Variants in PIEZO2 observed in about 807,000 individuals in gnomAD.
PIEZO2 encodes the protein piezo-type mechanosensitive ion channel component 2.
In PIEZO2, 172 loss-of-function variants were observed where a neutral mutation model predicts 337.3. The ratio of observed to expected loss-of-function variants is 0.51; its 90% CI spans 0.45 to 0.58. PIEZO2 has a LOEUF of 0.58. PIEZO2 is among the 20% of genes least tolerant of loss of function. PIEZO2 has a pLI of 0.00. For missense variants in PIEZO2, 3,028 were observed against 3,391.3 expected (o/e 0.89, Z 2.66); for synonymous variants, 1,251 against 1,228.5 (o/e 1.02, Z -0.38).
intron 43 of PIEZO2, 126 bp from the exon 44 acceptor site, chr18:10,699,303 G>A (rs1001041046): frequency 2.3e-6 from 3 of 1,303,598 alleles, no homozygotes; most frequent in Non-Finnish European, 3.1e-6. Context: ...ATATGGTTTG[G>A]CTGTGTCCCC....
chr18:10,756,043 T>A (rs1418409110), intron 27 of PIEZO2, among the ~76,000 whole-genome samples: 1 of 111,906 alleles, frequency 8.9e-6, no homozygotes, highest in Non-Finnish European at 1.8e-5. Flanking sequence ...GGAGGAGGGA[T>A]GCAGGATGAA....
rs1186692771 is a variant in PIEZO2, at chr18:10,861,846, T to C, written c.493-4635A>G. 6.6e-6 allele frequency among the ~76,000 whole-genome samples: 1 copy of C among 152,026 alleles called. No homozygotes were observed. Among genetic ancestry groups the C allele is most frequent in the East Asian group, 1.9e-4 (1 of 5,180 alleles). On this transcript the variant is annotated intron_variant, in intron 5 of 55. Transcript: ENST00000674853. This position sits in a 1 kb window ranked among gnomAD's most constrained non-coding sequence, Gnocchi z 4.3. ...CTGCCTGGACAACATGGTGAAACCT[T>C]GTCTGTACTAAAACTACAAAAATTA...
At chr18:11,012,906 T>C (rs2035954541) in intron 2 of PIEZO2, among the ~76,000 whole-genome samples, 1 of 152,066 alleles carries the variant, frequency 6.6e-6, no homozygotes, top group Non-Finnish European at 1.5e-5. Context: ...TAGCCAGGCA[T>C]GATGGTGCAC....
intron 4 of PIEZO2, among the ~76,000 whole-genome samples, chr18:10,884,194 T>C (rs2042507538): frequency 6.6e-6 from 1 of 152,244 alleles, no homozygotes; most frequent in African/African-American, 2.4e-5. Context: ...GCTTATCTAA[T>C]GTCCTCTAGA....
intron 2 of PIEZO2, among the ~76,000 whole-genome samples, chr18:10,985,515 C>T (rs1008089867): frequency 1.3e-5 from 2 of 152,012 alleles, no homozygotes; most frequent in Admixed American, 1.3e-4. Flanking sequence ...GTTAATTTCT[C>T]ATGTCTGTAT....
chr18:10,696,249 C>G lies in PIEZO2; in HGVS notation c.7015G>C (p.Glu2339Gln). The part of the protein sequence containing the change: ...AAADITSSLS[E>Q]DQVPGPFLVM... ...AAAAACGGCCCCGGGACCTGGTCCTCTGACAGTGAAGAGGTGATGTCTGCA... is the reference window on the plus strand; with the variant it reads ...AAAAACGGCCCCGGGACCTGGTCCTGTGACAGTGAAGAGGTGATGTCTGCA... Residue 2339 changes from glutamate to glutamine, a missense_variant, in exon 47 of 56, where the codon GAG becomes CAG. Glu to Gln is a conservative substitution (Grantham distance 29). This residue lies in a region of PIEZO2 where 179 missense variants were observed against 281.8 expected (regional missense o/e 0.64). Coordinates refer to ENST00000674853, the MANE Select transcript of PIEZO2 (RefSeq NM_001378183.1). 1 of 1,614,234 alleles carries G rather than the reference C, an allele frequency of 6.2e-7. No homozygotes were observed. The highest frequency in any genetic ancestry group is 8.5e-7 in the Non-Finnish European group (1 of 1,180,048).
intron 3 of PIEZO2, among the ~76,000 whole-genome samples, chr18:10,936,200 A>G (rs1391958640): frequency 2.6e-5 from 4 of 152,184 alleles, no homozygotes; most frequent in Non-Finnish European, 4.4e-5. Flanking sequence ...CAAAGCATGA[A>G]TGCCTCTCCT....
chr18:10,917,596 G>T (rs1319293335), intron 3 of PIEZO2, among the ~76,000 whole-genome samples: 1 of 152,170 alleles, frequency 6.6e-6, no homozygotes, highest in Non-Finnish European at 1.5e-5. Context: ...GGTGGTCAAA[G>T]GAGGCACAGT....
At chr18:10,880,881 AT>A (rs1568159656) in intron 4 of PIEZO2, among the ~76,000 whole-genome samples, 137 of 80,314 alleles carry the variant, frequency 1.7e-3, no homozygotes, top group Middle Eastern at 6.5e-3. Flanking sequence ...ATATATATAT[AT>A]ATATATATAT....
Position 10,979,409 on chromosome 18 carries a change from AT to A in PIEZO2, c.286+125del. On this transcript the variant is annotated intron_variant, in intron 3 of 55. Coordinates refer to ENST00000674853, the MANE Select transcript of PIEZO2 (RefSeq NM_001378183.1). This position sits in a 1 kb window ranked among gnomAD's most constrained non-coding sequence, Gnocchi z 4.0. ...TACACTGCATTGCCAAAGACCAAAA[AT>A]TTCCATGAATTTTATAATTTAATTA... 1 of 1,128,432 alleles carries A rather than the reference AT, an allele frequency of 8.9e-7. No homozygotes were observed. Among genetic ancestry groups the A allele is most frequent in the Non-Finnish European group, 1.2e-6 (1 of 866,984 alleles). The allele number at this position is 1,128,432 out of a possible 1,614,324, so 69.9% of individuals were successfully genotyped here. A position where few individuals can be genotyped will look rare whatever the true frequency, so the allele number is the denominator to read the frequency against.
rs2144663540 is a variant in PIEZO2, at chr18:10,850,295, C to G, written c.917+5058G>C. Among the ~76,000 whole-genome samples, 1 of 152,238 alleles carries G rather than the reference C, an allele frequency of 6.6e-6. No homozygotes were observed. The highest frequency in any genetic ancestry group is 2.1e-4 in the South Asian group (1 of 4,820). On this transcript the variant is annotated intron_variant, in intron 7 of 55. Coordinates refer to ENST00000674853, the MANE Select transcript of PIEZO2 (RefSeq NM_001378183.1). This position sits in a 1 kb window ranked among gnomAD's most constrained non-coding sequence, Gnocchi z 4.5. ...CTCTAGAGAAAAATGAAACTCCAGC[C>G]CTGTGCCACACATCGGCGTGGAATT...
rs2036437545 is a variant in PIEZO2, at chr18:10,724,325, C to T, written c.5030-6066G>A. ...AATGAGCTATGATCATTGCACTGCA[C>T]TCCACCTTGGGTGACAGAGCAAGAC... On this transcript the variant is annotated intron_variant, in intron 36 of 55. Transcript: ENST00000674853. The surrounding 1 kb of genome is among the most constrained non-coding windows in gnomAD (Gnocchi z 5.8). Among the ~76,000 whole-genome samples the T allele has an allele frequency of 6.6e-6, 1 of 152,160 alleles. No homozygotes were observed. Among genetic ancestry groups the T allele is most frequent in the Non-Finnish European group, 1.5e-5 (1 of 68,032 alleles).
intron 51 of PIEZO2, among the ~76,000 whole-genome samples, chr18:10,680,770 C>T (rs2034230960): frequency 6.6e-6 from 1 of 152,140 alleles, no homozygotes. Flanking sequence ...AAGAACTGCT[C>T]ATTGTTCCAG....
chr18:10,984,813 A>G (rs2034806093), intron 2 of PIEZO2, among the ~76,000 whole-genome samples: 1 of 152,182 alleles, frequency 6.6e-6, no homozygotes, highest in Admixed American at 6.5e-5. Context: ...GTCAAATTCT[A>G]AAACAAAGAA....
chr18:10,780,445 G>C, intron 17 of PIEZO2, 79 bp from the exon 18 acceptor site: 1 of 698,300 alleles, frequency 1.4e-6, no homozygotes, highest in Non-Finnish European at 2.6e-6. Flanking sequence ...GTTAGACAGA[G>C]ACGAACAAAG....
At chr18:10,719,549 A>G (rs1341131039) in intron 36 of PIEZO2, among the ~76,000 whole-genome samples, 1 of 152,230 alleles carries the variant, frequency 6.6e-6, no homozygotes, top group Non-Finnish European at 1.5e-5. Flanking sequence ...GCACAGTAGT[A>G]TTCCATGACA....
chr18:10,876,271 T>C (rs2042266168), intron 4 of PIEZO2, among the ~76,000 whole-genome samples: 1 of 152,224 alleles, frequency 6.6e-6, no homozygotes, highest in Non-Finnish European at 1.5e-5. Context: ...TCACAATGCA[T>C]ACTATTATAC....
chr18:10,744,183 T>G lies in PIEZO2; in HGVS notation c.4473A>C (p.Arg1491Ser). The G allele has an allele frequency of 6.5e-7, 1 of 1,537,110 alleles. No homozygotes were observed. ...CCATGGACTTCTTCTCTTCCTCAATTCTTGCCTTTACAGCTTTTACAATTG... is the reference window on the plus strand; with the variant it reads ...CCATGGACTTCTTCTCTTCCTCAATGCTTGCCTTTACAGCTTTTACAATTG... ...QATIVKAVKARIEEEKKSMDQ... is the reference protein window; with the variant it reads ...QATIVKAVKASIEEEKKSMDQ... The change falls in exon 31 of 56, where the codon AGA (arginine) becomes AGC (serine). Residue 1491 changes from arginine to serine, a missense_variant. Arg to Ser is a moderately radical substitution (Grantham distance 110). Transcript: ENST00000674853.
rs1202013149 is a variant in PIEZO2, at chr18:10,701,979, C to T, written c.6441+10G>A. ...CCAACTTGAACTGATTAATTGTTAACATGCAGTACCTTCAAAATTGATCGA... is the reference window on the plus strand; with the variant it reads ...CCAACTTGAACTGATTAATTGTTAATATGCAGTACCTTCAAAATTGATCGA... On this transcript the variant is annotated intron_variant, in intron 43 of 55. Transcript: ENST00000674853. 3 of 1,511,596 alleles carry T rather than the reference C, an allele frequency of 2.0e-6. No individual in the cohort carries two copies. The highest frequency in any genetic ancestry group is 2.8e-5 in the African/African-American group (2 of 71,338). The allele number at this position is 1,511,596 out of a possible 1,614,324, so 93.6% of individuals were successfully genotyped here. A position where few individuals can be genotyped will look rare whatever the true frequency, so the allele number is the denominator to read the frequency against.
Sources: allele counts gnomAD v4.1 joint callset (sites outside exome capture counted in the v4.1 genomes callset), GRCh38; gene constraint gnomAD v4.1.1; regional missense constraint gnomAD v4.1.1; non-coding constraint Gnocchi (gnomAD v3.1); transcripts MANE v1.5; gene names NCBI Gene and HGNC (gene_info 2026-07-23, HGNC 2026-07-21).